The following CFH variants were observed in gnomAD, a reference collection of about 807,000 sequenced individuals.
CFH encodes the protein H factor 1 (complement).
Under a neutral mutation model 147.3 loss-of-function variants are expected in CFH, and 53 were observed. That is an observed-to-expected ratio of 0.36 (90% CI 0.29 to 0.45). The LOEUF (loss-of-function observed/expected upper bound fraction) is 0.45, where lower values mean the gene tolerates loss of function less well. Among genes scored for constraint, CFH ranks in the 20% least tolerant of loss-of-function variants. The probability of loss-of-function intolerance (pLI) is 1.00; values close to 1 mark genes in which losing one functional copy is unlikely to be tolerated. For missense variants in CFH, 1,380 were observed against 1,498.0 expected (o/e 0.92, Z 1.30); for synonymous variants, 536 against 489.4 (o/e 1.10, Z -1.26).
chr1:196,686,295 C>G (rs1242825600), intron 7 of CFH, among the ~76,000 whole-genome samples: 1 of 152,028 alleles, frequency 6.6e-6, no homozygotes. Context: ...GACACTAAGT[C>G]CAGCATATAT....
intron 1 of CFH, among the ~76,000 whole-genome samples, chr1:196,671,922 T>C (rs1667296141): frequency 6.6e-6 from 1 of 150,954 alleles, no homozygotes; most frequent in South Asian, 2.1e-4. Flanking sequence ...TATATATATG[T>C]ATACAGCTTT....
rs562165818 is a variant in CFH, at chr1:196,707,440, T to A, written c.1337-6295T>A. Among the ~76,000 whole-genome samples the A allele has an allele frequency of 2.0e-5, 3 of 152,320 alleles. No homozygotes were observed. The East Asian group carries it at 5.8e-4, about 29-fold the overall frequency. On this transcript the variant is annotated intron_variant, in intron 9 of 21. Coordinates refer to ENST00000367429, the MANE Select transcript of CFH (RefSeq NM_000186.4). The stretch of plus-strand genomic sequence containing the variant: ...TTTGTGGTTCCAGCAGATTGTGGTA[T>A]CCAACTGACATTCTCTTTCATCCCA...
chr1:196,718,122 T>C (rs911156562), intron 11 of CFH, among the ~76,000 whole-genome samples: 1 of 152,118 alleles, frequency 6.6e-6, no homozygotes, highest in African/African-American at 2.4e-5. Flanking sequence ...GACTCATTCC[T>C]GCTGTTGTAA....
At position 196,689,625 on chromosome 1, in the gene CFH, C is replaced by T; in HGVS notation, c.1159+11C>T. ...CAGTACCATGCCTCAGTAAGTAAAC[C>T]TCTGAACTGCTATATATATGTATAA... On this transcript the variant is annotated intron_variant, in intron 8 of 21. Coordinates refer to ENST00000367429, the MANE Select transcript of CFH (RefSeq NM_000186.4). 1 of 1,612,394 alleles carries T rather than the reference C, an allele frequency of 6.2e-7. No homozygotes were observed. Among genetic ancestry groups the T allele is most frequent in the Non-Finnish European group, 8.5e-7 (1 of 1,178,854 alleles).
At chr1:196,736,462 G>T (rs1238523064) in intron 15 of CFH, among the ~76,000 whole-genome samples, 1 of 151,916 alleles carries the variant, frequency 6.6e-6, no homozygotes, top group Non-Finnish European at 1.5e-5. Context: ...TTTATTTAAT[G>T]CATGTAATTA....
chr1:196,722,419 A>G (rs562552821), intron 11 of CFH, among the ~76,000 whole-genome samples: 5 of 152,148 alleles, frequency 3.3e-5, no homozygotes, highest in Non-Finnish European at 5.9e-5. Flanking sequence ...GGACACCAAT[A>G]TCTTCTGGCT....
chr1:196,682,199 G>T (rs186743306), intron 6 of CFH, among the ~76,000 whole-genome samples: 1 of 151,758 alleles, frequency 6.6e-6, no homozygotes, highest in Admixed American at 6.6e-5. Context: ...AGCTATCTTT[G>T]ATCCGAATCT....
chr1:196,685,833 A>G (rs1418790792), intron 7 of CFH, among the ~76,000 whole-genome samples: 1 of 152,122 alleles, frequency 6.6e-6, no homozygotes, highest in Non-Finnish European at 1.5e-5. Flanking sequence ...AGCACTGCTA[A>G]TCTGAGAATA....
chr1:196,728,137 T>C (rs1464706600), intron 14 of CFH, among the ~76,000 whole-genome samples: 1 of 152,150 alleles, frequency 6.6e-6, no homozygotes, highest in Admixed American at 6.6e-5. Context: ...TAGGTATCTC[T>C]AACATTTCAG....
In CFH at chr1:196,690,227, T is replaced by G. The variant is rs756469622; in HGVS notation, c.1324T>G (p.Cys442Gly). Residue 442 changes from cysteine (C) to glycine (G), a missense_variant, in exon 9 of 22, where the codon TGC becomes GGC. Physicochemically the swap from Cys to Gly is radical, Grantham distance 159. Transcript: ENST00000367429. ...MENGWSPTPRCIRVKTCSKSS... is the reference protein window; with the variant it reads ...MENGWSPTPRGIRVKTCSKSS... ...GAATGGCTGGTCTCCTACTCCCAGA[T>G]GCATCCGTGTCAGTAAGTACACTAC... 7 of 1,613,298 alleles carry G rather than the reference T, an allele frequency of 4.3e-6. No individual in the cohort carries two copies. Among genetic ancestry groups the G allele is most frequent in the Non-Finnish European group, 5.1e-6 (6 of 1,179,538 alleles).
chr1:196,665,187 G>C (rs1667039744), intron 1 of CFH, among the ~76,000 whole-genome samples: 1 of 151,530 alleles, frequency 6.6e-6, no homozygotes, highest in Non-Finnish European at 1.5e-5. Flanking sequence ...TGCAAGAAGT[G>C]TTTGTGTTAA....
intron 1 of CFH, among the ~76,000 whole-genome samples, chr1:196,656,700 TTCTCTA>T: frequency 1.3e-5 from 2 of 151,826 alleles, no homozygotes; most frequent in African/African-American, 4.8e-5. Context: ...TTTTTTTTTT[TTCTCTA>T]TTTTCAGGGT....
intron 15 of CFH, among the ~76,000 whole-genome samples, chr1:196,735,076 G>A (rs2149112276): frequency 6.6e-6 from 1 of 152,204 alleles, no homozygotes; most frequent in East Asian, 1.9e-4. Context: ...CTTTAGCTGT[G>A]TCCCAGAATG....
chr1:196,700,047 T>G (rs915025345), intron 9 of CFH, among the ~76,000 whole-genome samples: 8 of 152,282 alleles, frequency 5.3e-5, no homozygotes, highest in Non-Finnish European at 8.8e-5. Context: ...TTCTGCATAC[T>G]AACAAAACTA....
chr1:196,654,635 T>C (rs1387018644), intron 1 of CFH, among the ~76,000 whole-genome samples: 1 of 152,196 alleles, frequency 6.6e-6, no homozygotes, highest in Non-Finnish European at 1.5e-5. Flanking sequence ...GTGTACTATA[T>C]GAAATTAGGC....
intron 9 of CFH, among the ~76,000 whole-genome samples, chr1:196,708,849 A>G (rs1040131061): frequency 4.6e-5 from 7 of 152,144 alleles, no homozygotes; most frequent in African/African-American, 1.2e-4. Context: ...ATATATCAAT[A>G]TATCTGGTGG....
rs147204367 is a variant in CFH at position 196,674,680 on chromosome 1, CATT to C, written c.350+725_350+727del. Among the ~76,000 whole-genome samples the C allele has an allele frequency of 2.4e-3, 369 of 152,228 alleles. 1 individual carries two copies. The highest frequency in any genetic ancestry group is 8.4e-3 in the African/African-American group (350 of 41,554). On this transcript the variant is annotated intron_variant, in intron 3 of 21. Transcript: ENST00000367429. ...TAACCAAATATTACAAATGGAATAACATTATTATTTCCCCATTTTTTCCTTAAT... is the reference window on the plus strand; with the variant it reads ...TAACCAAATATTACAAATGGAATAACATTATTTCCCCATTTTTTCCTTAAT...
At chr1:196,709,677 G>A (rs1378922104) in intron 9 of CFH, among the ~76,000 whole-genome samples, 3 of 151,998 alleles carry the variant, frequency 2.0e-5, no homozygotes, top group Non-Finnish European at 4.4e-5. Context: ...TACTACCCTA[G>A]GATAAAGAAG....
chr1:196,712,609 T>C, intron 9 of CFH, among the ~76,000 whole-genome samples: 1 of 138,214 alleles, frequency 7.2e-6, no homozygotes, highest in South Asian at 2.2e-4. Context: ...TTTTTTTGGG[T>C]TATTATTATT....
Sources: gnomAD v4.1 joint callset for allele counts (sites outside exome capture counted in the v4.1 genomes callset) on GRCh38, gnomAD v4.1.1 for gene constraint, MANE v1.5 for transcripts, NCBI Gene and HGNC (gene_info 2026-07-23, HGNC 2026-07-21) for gene names.